Variants in DYNC1I1 observed in about 807,000 individuals in gnomAD.
DYNC1I1 encodes dynein cytoplasmic 1 intermediate chain 1.
DYNC1I1 carries 43 observed loss-of-function variants against 86.6 expected under a neutral mutation model. That is an observed-to-expected ratio of 0.50 (90% CI 0.39 to 0.64). The LOEUF is 0.64. Ranked by LOEUF, DYNC1I1 falls within the 30% of genes least tolerant of loss-of-function variation. The pLI is 0.00. For synonymous variants in DYNC1I1, 262 were observed against 283.7 expected (o/e 0.92, Z 0.77); for missense variants, 604 against 788.8 (o/e 0.77, Z 2.81).
At chr7:95,905,690 T>C (rs1791158584) in intron 6 of DYNC1I1, among the ~76,000 whole-genome samples, 1 of 151,848 alleles carries the variant, frequency 6.6e-6, no homozygotes, top group African/African-American at 2.4e-5. Flanking sequence ...TAACGCCCCA[T>C]TGTGTCTGGG....
chr7:96,002,826 T>G (rs548884712), intron 10 of DYNC1I1, among the ~76,000 whole-genome samples: 36 of 151,382 alleles, frequency 2.4e-4, no homozygotes, highest in East Asian at 1.4e-3. Context: ...GGTTTTTTTT[T>G]GGGTTTTTTT....
chr7:95,927,583 T>C lies in DYNC1I1; in HGVS notation c.491-49929T>C, dbSNP rs115789465. Among the ~76,000 whole-genome samples the C allele has an allele frequency of 6.7e-3, 1,013 of 152,170 alleles. 10 individuals are homozygous for C. Among genetic ancestry groups the C allele is most frequent in the African/African-American group, 0.021 (885 of 41,500 alleles). ...TTATGGAAGAATGTATCCCTTTAAT[T>C]AGGAGATACACGAAGAAGTATGGGG... On this transcript the variant is annotated intron_variant, in intron 6 of 16. Coordinates refer to ENST00000447467, the MANE Select transcript of DYNC1I1 (RefSeq NM_001135556.2).
At chr7:95,973,861 C>A (rs537871042) in intron 6 of DYNC1I1, among the ~76,000 whole-genome samples, 2 of 152,302 alleles carry the variant, frequency 1.3e-5, no homozygotes, top group South Asian at 4.1e-4. Flanking sequence ...GTTTTAAGAA[C>A]TAGAAGATTT....
intron 6 of DYNC1I1, among the ~76,000 whole-genome samples, chr7:95,957,136 G>T (rs1018469170): frequency 2.6e-5 from 4 of 152,098 alleles, no homozygotes; most frequent in Non-Finnish European, 4.4e-5. Context: ...ATGAATAAAT[G>T]ATTGTAAAAT....
At chr7:96,001,936 G>T (rs991669933) in intron 10 of DYNC1I1, among the ~76,000 whole-genome samples, 7 of 152,100 alleles carry the variant, frequency 4.6e-5, no homozygotes, top group African/African-American at 1.7e-4. Flanking sequence ...ACATCTGTTT[G>T]TTTTACTATT....
At chr7:95,886,962 A>G (rs1471104537) in intron 6 of DYNC1I1, among the ~76,000 whole-genome samples, 2 of 152,204 alleles carry the variant, frequency 1.3e-5, no homozygotes, top group East Asian at 3.9e-4. Flanking sequence ...AGTTTTCAAC[A>G]AAGAATAATT....
At chr7:96,080,941 G>T (rs1431991062) in intron 16 of DYNC1I1, among the ~76,000 whole-genome samples, 1 of 151,746 alleles carries the variant, frequency 6.6e-6, no homozygotes, top group Non-Finnish European at 1.5e-5. Flanking sequence ...ATGGTGGCAG[G>T]CACCTGTAAT....
At chr7:95,796,466 A>G (rs964135685) in intron 1 of DYNC1I1, among the ~76,000 whole-genome samples, 1 of 152,090 alleles carries the variant, frequency 6.6e-6, no homozygotes, top group Non-Finnish European at 1.5e-5. Flanking sequence ...GCATGCCACC[A>G]TGCTCTATAG....
At chr7:95,897,825 T>C (rs769272478) in intron 6 of DYNC1I1, among the ~76,000 whole-genome samples, 6 of 152,036 alleles carry the variant, frequency 3.9e-5, no homozygotes, top group Non-Finnish European at 8.8e-5. Flanking sequence ...TAGGGAGTGA[T>C]GTCAGCCTGT....
At chr7:96,110,091 C>A, downstream of DYNC1I1, 1 of 441,974 alleles carries the variant, frequency 2.3e-6, no homozygotes, top group South Asian at 1.6e-5. Context: ...CCCAGCTATG[C>A]CTGCTTGTTA....
chr7:96,005,118 A>G (rs2115814672), intron 10 of DYNC1I1, among the ~76,000 whole-genome samples: 1 of 152,324 alleles, frequency 6.6e-6, no homozygotes, highest in East Asian at 1.9e-4. Flanking sequence ...GTCATATCCA[A>G]TCAGTTTGTA....
At chr7:96,045,211 A>G (rs888788235) in intron 14 of DYNC1I1, among the ~76,000 whole-genome samples, 2 of 152,230 alleles carry the variant, frequency 1.3e-5, no homozygotes, top group Non-Finnish European at 2.9e-5. Context: ...AGAATTAGTA[A>G]CATAAGATAT....
At chr7:95,824,661 A>G (rs921710308) in intron 4 of DYNC1I1, among the ~76,000 whole-genome samples, 1 of 152,230 alleles carries the variant, frequency 6.6e-6, no homozygotes, top group Admixed American at 6.5e-5. Context: ...ATTTTAAAAT[A>G]TCAGGCAGAG....
At chr7:96,092,950 C>T (rs449) in intron 16 of DYNC1I1, among the ~76,000 whole-genome samples, 4,589 of 152,122 alleles carry the variant, frequency 0.03, 227 homozygotes, top group East Asian at 0.23. Context: ...TCTTGATTGC[C>T]CCACACTAAC....
chr7:95,902,762 A>C (rs1254663466), intron 6 of DYNC1I1, among the ~76,000 whole-genome samples: 1 of 152,118 alleles, frequency 6.6e-6, no homozygotes, highest in Admixed American at 6.6e-5. Flanking sequence ...AAATATTCCA[A>C]GTGCTTTCCC....
chr7:95,861,086 ACCCC>A (rs1789864677), intron 5 of DYNC1I1, among the ~76,000 whole-genome samples: 3 of 151,766 alleles, frequency 2.0e-5, no homozygotes, highest in Admixed American at 2.0e-4. Context: ...TATTGAAATG[ACCCC>A]TTTTGGTTTC....
intron 10 of DYNC1I1, among the ~76,000 whole-genome samples, chr7:96,003,742 C>T (rs556670223): frequency 6.6e-6 from 1 of 152,210 alleles, no homozygotes; most frequent in South Asian, 2.1e-4. Flanking sequence ...GAGTCCCCAC[C>T]AAGAGTGGAC....
intron 6 of DYNC1I1, among the ~76,000 whole-genome samples, chr7:95,936,470 G>A (rs914050214): frequency 3.3e-5 from 5 of 151,850 alleles, no homozygotes; most frequent in Non-Finnish European, 5.9e-5. Flanking sequence ...CCACAGAATG[G>A]CTTTTCATCT....
intron 1 of DYNC1I1, among the ~76,000 whole-genome samples, chr7:95,786,199 A>G (rs1794141387): frequency 6.6e-6 from 1 of 151,918 alleles, no homozygotes; most frequent in African/African-American, 2.4e-5. Flanking sequence ...CCCCTTTCCA[A>G]CTTGTTCCCC....
Sources: allele counts gnomAD v4.1 joint callset (sites outside exome capture counted in the v4.1 genomes callset), GRCh38; gene constraint gnomAD v4.1.1; transcripts MANE v1.5; gene names NCBI Gene and HGNC (gene_info 2026-07-23, HGNC 2026-07-21).